Variants in MACROD2 observed in about 807,000 individuals in gnomAD.
The protein encoded by MACROD2 is mono-ADP ribosylhydrolase 2, also known as ADP-ribose glycohydrolase MACROD2.
Under a neutral mutation model 70.4 loss-of-function variants are expected in MACROD2, and 36 were observed. The ratio of observed to expected loss-of-function variants is 0.51; its 90% CI spans 0.39 to 0.68. The LOEUF is 0.68. MACROD2 is among the 30% of genes least tolerant of loss of function. MACROD2 has a pLI of 0.00. For missense variants in MACROD2, 496 were observed against 538.4 expected (o/e 0.92, Z 0.78); for synonymous variants, 172 against 178.8 (o/e 0.96, Z 0.30).
chr20:15,498,996 G>A (rs980358944), intron 7 of MACROD2, among the ~76,000 whole-genome samples: 10 of 152,130 alleles, frequency 6.6e-5, no homozygotes, highest in African/African-American at 2.4e-4. Context: ...TTCCTGCTCT[G>A]TAAATATATA....
chr20:14,536,268 CAT>C (rs1333124436), intron 4 of MACROD2, among the ~76,000 whole-genome samples: 1 of 152,226 alleles, frequency 6.6e-6, no homozygotes, highest in East Asian at 1.9e-4. Context: ...TCTCCATTAA[CAT>C]AAGTGGAATT....
At chr20:15,231,185 T>A (rs1481733892) in intron 6 of MACROD2, among the ~76,000 whole-genome samples, 3 of 152,060 alleles carry the variant, frequency 2.0e-5, no homozygotes, top group Admixed American at 2.0e-4. Flanking sequence ...CCCTTTTTAA[T>A]CTTTGGATAA....
intron 15 of MACROD2, among the ~76,000 whole-genome samples, chr20:16,029,792 T>C (rs2067128374): frequency 6.6e-6 from 1 of 152,162 alleles, no homozygotes; most frequent in Non-Finnish European, 1.5e-5. Context: ...TAATCCTCCA[T>C]GTCAATACCT....
chr20:15,929,671 A>C (rs2147310469), intron 10 of MACROD2, among the ~76,000 whole-genome samples: 1 of 152,310 alleles, frequency 6.6e-6, no homozygotes, highest in East Asian at 1.9e-4. Context: ...TCCTGTCACC[A>C]TGTAGCGTTC....
chr20:15,162,124 A>G (rs1163803466), intron 5 of MACROD2, among the ~76,000 whole-genome samples: 1 of 152,076 alleles, frequency 6.6e-6, no homozygotes, highest in Non-Finnish European at 1.5e-5. Context: ...AAAACTACCT[A>G]GAAGCTGAGT....
chr20:14,845,230 G>A (rs559882800), intron 5 of MACROD2, among the ~76,000 whole-genome samples: 1 of 152,150 alleles, frequency 6.6e-6, no homozygotes, highest in East Asian at 1.9e-4. Flanking sequence ...TTTGAGGACA[G>A]GTTCTATGTC....
intron 8 of MACROD2, among the ~76,000 whole-genome samples, chr20:15,641,567 T>C (rs1026374598): frequency 2.0e-4 from 31 of 152,154 alleles, no homozygotes; most frequent in Non-Finnish European, 4.0e-4. Flanking sequence ...AGAGCTCCAT[T>C]ATTAGTGGAG....
chr20:15,862,651 A>C, intron 8 of MACROD2, 94 bp from the exon 9 acceptor site: 1 of 935,692 alleles, frequency 1.1e-6, no homozygotes, highest in Non-Finnish European at 1.7e-6. Context: ...AATCTGTATG[A>C]GGCCTTTCCA....
chr20:16,009,016 C>G (rs773020343), intron 15 of MACROD2, among the ~76,000 whole-genome samples: 28 of 151,836 alleles, frequency 1.8e-4, no homozygotes, highest in Non-Finnish European at 3.5e-4. Flanking sequence ...AGAGATGCAG[C>G]TGATCAAGAA....
intron 8 of MACROD2, among the ~76,000 whole-genome samples, chr20:15,539,138 G>A (rs1299008949): frequency 1.3e-5 from 2 of 152,244 alleles, no homozygotes; most frequent in Non-Finnish European, 2.9e-5. Flanking sequence ...GCTTAAGAAT[G>A]TATGTAACCA....
rs2067467443 is a variant in MACROD2, at chr20:16,052,227, ATAAAG to A, written c.*2353_*2357del. ...ACAGTTTTATGCTTTAAAACAAATG[ATAAAG>A]TTAATTTCCAATTCAATAGTGAAAT... On this transcript the variant is annotated 3_prime_UTR_variant, in exon 18 of 18. Coordinates refer to ENST00000684519, the MANE Select transcript of MACROD2 (RefSeq NM_001351661.2). The A allele has an allele frequency of 6.6e-6, 1 of 152,224 alleles. No homozygotes were observed. The highest frequency in any genetic ancestry group is 1.5e-5 in the Non-Finnish European group (1 of 68,038). The allele number at this position is 152,224 out of a possible 1,614,324, so 9.4% of individuals were successfully genotyped here.
At chr20:15,031,639 T>G (rs866051535) in intron 5 of MACROD2, among the ~76,000 whole-genome samples, 58 of 152,220 alleles carry the variant, frequency 3.8e-4, no homozygotes, top group African/African-American at 1.3e-3. Context: ...CTGAAATGGA[T>G]AGTTGATTCC....
At chr20:14,832,384 G>T (rs1390331219) in intron 5 of MACROD2, among the ~76,000 whole-genome samples, 1 of 151,994 alleles carries the variant, frequency 6.6e-6, no homozygotes, top group Non-Finnish European at 1.5e-5. Context: ...GAATGAGAGG[G>T]ATGGGAAGGA....
intron 8 of MACROD2, among the ~76,000 whole-genome samples, chr20:15,820,988 GC>G (rs2063932451): frequency 6.6e-6 from 1 of 152,074 alleles, no homozygotes; most frequent in Non-Finnish European, 1.5e-5. Context: ...TTTCTGAGAG[GC>G]TAGCATTTAC....
At chr20:15,908,723 G>A (rs1350203649) in intron 10 of MACROD2, among the ~76,000 whole-genome samples, 1 of 152,088 alleles carries the variant, frequency 6.6e-6, no homozygotes, top group Non-Finnish European at 1.5e-5. Context: ...TGGTGGTTTG[G>A]TTTTCTTTAT....
chr20:14,781,512 CA>C (rs11479014), intron 5 of MACROD2, among the ~76,000 whole-genome samples: 13,746 of 147,276 alleles, frequency 0.093, 981 homozygotes, highest in African/African-American at 0.2. Context: ...CACAGAGTTG[CA>C]AAAAAATCTG....
At chr20:15,319,761 A>C (rs895900076) in intron 6 of MACROD2, among the ~76,000 whole-genome samples, 1 of 152,226 alleles carries the variant, frequency 6.6e-6, no homozygotes, top group Non-Finnish European at 1.5e-5. Flanking sequence ...TATACAATGG[A>C]ATATTTTTTA....
chr20:14,850,055 G>A, intron 5 of MACROD2: 2 of 486,856 alleles, frequency 4.1e-6, no homozygotes, highest in Non-Finnish European at 8.1e-6. Flanking sequence ...AGATCACAAT[G>A]ACTTAATGAA....
At chr20:14,206,615 G>A (rs1271132963) in intron 3 of MACROD2, among the ~76,000 whole-genome samples, 2 of 148,210 alleles carry the variant, frequency 1.3e-5, no homozygotes, top group Non-Finnish European at 3.0e-5. Context: ...GTATTAAATC[G>A]AATTGGTAGC....
Sources: gnomAD v4.1 joint callset for allele counts (sites outside exome capture counted in the v4.1 genomes callset) on GRCh38, gnomAD v4.1.1 for gene constraint, MANE v1.5 for transcripts, NCBI Gene and HGNC (gene_info 2026-07-23, HGNC 2026-07-21) for gene names.